UMAD1: variants seen among roughly 807,000 people sequenced by gnomAD.
The protein encoded by UMAD1 is UBAP1-MVB12-associated (UMA)-domain containing protein 1.
In UMAD1, 8 loss-of-function variants were observed where a neutral mutation model predicts 6.1. The ratio of observed to expected loss-of-function variants is 1.30; its 90% confidence interval spans 0.76 to 2.35. The LOEUF (loss-of-function observed/expected upper bound fraction) is 2.35. Ranked by LOEUF, UMAD1 falls within the 30% of genes most tolerant of loss-of-function variation. The pLI is 0.00. For missense variants in UMAD1, 130 were observed against 78.4 expected, an observed-to-expected ratio of 1.66 and a Z score of -2.49; for synonymous variants, 56 against 31.4, an observed-to-expected ratio of 1.78 and a Z score of -2.61.
chr7:7,803,818 C>G (rs1297905392), intron 3 of UMAD1, among the ~76,000 whole-genome samples: 1 of 152,064 alleles, frequency 6.6e-6, no homozygotes, highest in East Asian at 1.9e-4. Context: ...CCTCCCACCC[C>G]CTAATACAGT....
At position 7,830,214 on chromosome 7, in the gene UMAD1, G is replaced by T. The variant is rs761838528; in HGVS notation, c.156+28471G>T. On this transcript the variant is annotated intron_variant, in intron 3 of 3. Coordinates refer to ENST00000682710, the MANE Select transcript of UMAD1 (RefSeq NM_001302348.2). The surrounding 1 kb of genome is among the most constrained non-coding windows in gnomAD (Gnocchi z 5.3). ...TGTGTCTACCTTGTACGTTGTGCTG[G>T]AATCAACTTGCCATTTCCTAAACAT... Among the ~76,000 whole-genome samples the T allele has an allele frequency of 3.9e-5, 6 of 152,178 alleles. No homozygotes were observed. The highest frequency in any genetic ancestry group is 7.3e-5 in the Non-Finnish European group (5 of 68,034).
chr7:7,662,834 A>G (rs1395483991), intron 1 of UMAD1, among the ~76,000 whole-genome samples: 1 of 152,198 alleles, frequency 6.6e-6, no homozygotes, highest in Non-Finnish European at 1.5e-5. Flanking sequence ...TGTGGTGTTT[A>G]GATTTTGTTG....
intron 2 of UMAD1, among the ~76,000 whole-genome samples, chr7:7,727,981 C>A (rs1027753160): frequency 5.3e-5 from 8 of 150,712 alleles, no homozygotes; most frequent in African/African-American, 2.0e-4. Context: ...ATATATATAT[C>A]TATTCCATTA....
chr7:7,862,722 G>A (rs1784137229), intron 3 of UMAD1, among the ~76,000 whole-genome samples: 1 of 152,172 alleles, frequency 6.6e-6, no homozygotes, highest in African/African-American at 2.4e-5. Flanking sequence ...TTTAAACTCA[G>A]TTTCTATAGC....
chr7:7,670,105 A>G (rs960326464), intron 1 of UMAD1, among the ~76,000 whole-genome samples: 8 of 152,210 alleles, frequency 5.3e-5, no homozygotes, highest in African/African-American at 1.7e-4. Flanking sequence ...TATAAATTCC[A>G]TACACAATAC....
intron 2 of UMAD1, among the ~76,000 whole-genome samples, chr7:7,760,942 A>G (rs1447414261): frequency 6.6e-6 from 1 of 152,170 alleles, no homozygotes; most frequent in African/African-American, 2.4e-5. Flanking sequence ...ATCATTTTGG[A>G]AGCTATTGCA....
rs958853347 is a variant in UMAD1 at position 7,839,684 on chromosome 7, A to G, written c.157-37597A>G. 3.9e-5 allele frequency among the ~76,000 whole-genome samples: 6 copies of G among 152,232 alleles called. No individual in the cohort carries two copies. The East Asian group carries it at 1.2e-3, about 29-fold the overall frequency. ...GGAAGAAGAGAAGGTAGTTTCAAGAACAAAGTTCTTAAGAAGCAATGCAAT... is the reference window on the plus strand; with the variant it reads ...GGAAGAAGAGAAGGTAGTTTCAAGAGCAAAGTTCTTAAGAAGCAATGCAAT... On this transcript the variant is annotated intron_variant, in intron 3 of 3. Coordinates refer to ENST00000682710, the MANE Select transcript of UMAD1 (RefSeq NM_001302348.2).
intron 2 of UMAD1, among the ~76,000 whole-genome samples, chr7:7,766,169 T>C (rs1344530008): frequency 1.3e-5 from 2 of 152,220 alleles, no homozygotes; most frequent in Non-Finnish European, 2.9e-5. Flanking sequence ...GCCTTGTCAA[T>C]AGCAGCAAAA....
intron 3 of UMAD1, among the ~76,000 whole-genome samples, chr7:7,811,071 A>G (rs948638201): frequency 1.3e-5 from 2 of 152,282 alleles, no homozygotes; most frequent in African/African-American, 2.4e-5. Context: ...TTATAAAGGC[A>G]TATTTTCCCC....
At chr7:7,719,638 A>G (rs934104618) in intron 2 of UMAD1, among the ~76,000 whole-genome samples, 1 of 146,288 alleles carries the variant, frequency 6.8e-6, no homozygotes, top group Non-Finnish European at 1.5e-5. Context: ...CATGGAAAGT[A>G]GTAGTTTTTT....
intron 2 of UMAD1, among the ~76,000 whole-genome samples, chr7:7,790,599 T>C (rs1782549802): frequency 6.6e-6 from 1 of 152,208 alleles, no homozygotes; most frequent in Non-Finnish European, 1.5e-5. Flanking sequence ...TTCCTCCCTC[T>C]GGCCTTGTAG....
At chr7:7,691,296 T>G (rs974721678) in intron 2 of UMAD1, among the ~76,000 whole-genome samples, 1 of 152,244 alleles carries the variant, frequency 6.6e-6, no homozygotes, top group Non-Finnish European at 1.5e-5. Context: ...TGTAAACAAC[T>G]GATAATATCT....
intron 2 of UMAD1, among the ~76,000 whole-genome samples, chr7:7,784,834 T>C (rs1245403520): frequency 7.4e-6 from 1 of 134,484 alleles, no homozygotes. Flanking sequence ...CGATCTCGGC[T>C]CGCTGCAGGC....
intron 3 of UMAD1, among the ~76,000 whole-genome samples, chr7:7,856,038 C>T (rs761908067): frequency 6.6e-6 from 1 of 152,158 alleles, no homozygotes; most frequent in Non-Finnish European, 1.5e-5. Flanking sequence ...GTCCATATCA[C>T]CATCAGCATT....
chr7:7,789,251 G>A (rs554521646), intron 2 of UMAD1, among the ~76,000 whole-genome samples: 3 of 151,378 alleles, frequency 2.0e-5, no homozygotes, highest in East Asian at 3.9e-4. Context: ...TTATTGAGCC[G>A]TAACCAATTC....
intron 1 of UMAD1, among the ~76,000 whole-genome samples, chr7:7,666,827 C>T (rs192179410): frequency 1.8e-3 from 278 of 151,848 alleles, no homozygotes; most frequent in Non-Finnish European, 1.9e-3. Context: ...TTGTTTGAGA[C>T]GAAGTTTCAC....
At chr7:7,839,167 C>T (rs192051224) in intron 3 of UMAD1, among the ~76,000 whole-genome samples, 10 of 152,110 alleles carry the variant, frequency 6.6e-5, no homozygotes, top group African/African-American at 2.4e-4. Context: ...ATAAATTACA[C>T]AGTGGGGATG....
intron 2 of UMAD1, among the ~76,000 whole-genome samples, chr7:7,782,493 A>G (rs1264490681): frequency 6.6e-6 from 1 of 152,078 alleles, no homozygotes; most frequent in Admixed American, 6.5e-5. Flanking sequence ...TTGCATAGAT[A>G]ATAAAATAAT....
intron 2 of UMAD1, among the ~76,000 whole-genome samples, chr7:7,681,921 A>T (rs1779922447): frequency 6.6e-6 from 1 of 152,214 alleles, no homozygotes; most frequent in Admixed American, 6.5e-5. Flanking sequence ...AGCATGAATT[A>T]GCTTATTATG....
Sources: gnomAD v4.1 joint callset for allele counts (sites outside exome capture counted in the v4.1 genomes callset) on GRCh38, gnomAD v4.1.1 for gene constraint, Gnocchi (gnomAD v3.1) non-coding constraint, MANE v1.5 for transcripts, NCBI Gene and HGNC (gene_info 2026-07-23, HGNC 2026-07-21) for gene names.